The following GLIS3 variants were observed in gnomAD, a reference collection of about 807,000 sequenced individuals.
GLIS3 encodes the protein GLIS family zinc finger 3.
In GLIS3, 53 loss-of-function variants were observed where a neutral mutation model predicts 78.6. The observed-to-expected ratio is 0.67, with a 90% CI of 0.54 to 0.85. GLIS3 has a LOEUF of 0.85. Ranked by LOEUF, GLIS3 falls within the 40% of genes least tolerant of loss-of-function variation. GLIS3 has a pLI of 0.00. For synonymous variants in GLIS3, 684 were observed against 509.9 expected (o/e 1.34, Z -4.60); for missense variants, 1,703 against 1,231.1 (o/e 1.38, Z -5.74).
intron 4 of GLIS3, among the ~76,000 whole-genome samples, chr9:4,092,190 T>C (rs1829574100): frequency 6.6e-6 from 1 of 151,366 alleles, no homozygotes; most frequent in African/African-American, 2.4e-5. Context: ...CTCGCTCTGT[T>C]GCTCAGACTG....
intron 4 of GLIS3, among the ~76,000 whole-genome samples, chr9:3,963,926 C>T (rs1269651803): frequency 2.0e-5 from 3 of 152,092 alleles, no homozygotes; most frequent in African/African-American, 7.2e-5. Flanking sequence ...GTGAACCAGA[C>T]ACTATATTCC....
At chr9:4,200,414 T>G (rs759425268) in intron 2 of GLIS3, among the ~76,000 whole-genome samples, 7 of 151,988 alleles carry the variant, frequency 4.6e-5, no homozygotes, top group Non-Finnish European at 7.4e-5. Flanking sequence ...CTAGCTAGAT[T>G]ATTCAAAGAA....
At chr9:4,230,902 G>C (rs1292869752) in intron 2 of GLIS3, among the ~76,000 whole-genome samples, 1 of 151,968 alleles carries the variant, frequency 6.6e-6, no homozygotes, top group African/African-American at 2.4e-5. Flanking sequence ...GTCATACAAA[G>C]ACTTTAAAAT....
intron 9 of GLIS3, among the ~76,000 whole-genome samples, chr9:3,843,067 A>C (rs1473052257): frequency 1.3e-5 from 2 of 152,182 alleles, no homozygotes; most frequent in Admixed American, 1.3e-4. Context: ...GTTCTTGGTC[A>C]AGGTGAAATC....
chr9:4,113,395 C>G (rs1213899071), intron 4 of GLIS3, among the ~76,000 whole-genome samples: 5 of 152,276 alleles, frequency 3.3e-5, no homozygotes, highest in Middle Eastern at 6.8e-3. Context: ...TTCAACCTTA[C>G]TAGGTATTAC....
the GLIS3 span, among the ~76,000 whole-genome samples, chr9:4,393,556 T>C: frequency 1.3e-5 from 2 of 152,216 alleles, no homozygotes; most frequent in African/African-American, 2.4e-5. Context: ...TGTCATGTTT[T>C]GTTAGTCCCC....
At chr9:4,134,546 T>C (rs1833250615) in intron 2 of GLIS3, among the ~76,000 whole-genome samples, 1 of 152,160 alleles carries the variant, frequency 6.6e-6, no homozygotes, top group Non-Finnish European at 1.5e-5. Flanking sequence ...ACACCCTACA[T>C]GGTTGCTTCG....
chr9:4,152,172 A>C (rs1429909175), intron 2 of GLIS3: 17 of 961,564 alleles, frequency 1.8e-5, no homozygotes, highest in Non-Finnish European at 2.1e-5. Context: ...ACACCCTTCA[A>C]CCATAAAGGA....
chr9:4,265,918 T>TTGTC (rs1420308144), intron 2 of GLIS3, among the ~76,000 whole-genome samples: 1 of 106,384 alleles, frequency 9.4e-6, no homozygotes, highest in Non-Finnish European at 1.9e-5. Context: ...GTTTGTCTGT[T>TTGTC]TGTTTGTTTG....
chr9:4,309,350 A>T (rs186716944), intron 3 of GLIS3, among the ~76,000 whole-genome samples: 1 of 152,220 alleles, frequency 6.6e-6, no homozygotes, highest in Non-Finnish European at 1.5e-5. Context: ...ATACTTTTTT[A>T]AAAAACAAGT....
At chr9:4,416,432 A>T in the GLIS3 span, among the ~76,000 whole-genome samples, 1 of 152,124 alleles carries the variant, frequency 6.6e-6, no homozygotes, top group Non-Finnish European at 1.5e-5. Context: ...GTACACTGTA[A>T]TATAAAACGT....
intron 2 of GLIS3, among the ~76,000 whole-genome samples, chr9:4,260,603 G>A (rs1001062886): frequency 2.0e-5 from 3 of 151,074 alleles, no homozygotes; most frequent in African/African-American, 7.3e-5. Context: ...AAAATTAGCT[G>A]GCCATGGTGG....
At chr9:4,371,156 A>G in the GLIS3 span, among the ~76,000 whole-genome samples, 4 of 152,228 alleles carry the variant, frequency 2.6e-5, no homozygotes, top group African/African-American at 9.6e-5. Context: ...CCATTTGGTC[A>G]GGCCTGGTTA....
chr9:3,987,449 C>A (rs1819833586), intron 4 of GLIS3, among the ~76,000 whole-genome samples: 1 of 151,972 alleles, frequency 6.6e-6, no homozygotes, highest in African/African-American at 2.4e-5. Context: ...CGCCTTTAAT[C>A]CTAGCACTTT....
intron 1 of GLIS3, among the ~76,000 whole-genome samples, chr9:4,293,838 A>C (rs1816240459): frequency 6.6e-6 from 1 of 152,218 alleles, no homozygotes; most frequent in African/African-American, 2.4e-5. Flanking sequence ...TCCTGAAGGA[A>C]TGTGCAGTCA....
chr9:3,839,535 T>C (rs937284310), intron 9 of GLIS3, among the ~76,000 whole-genome samples: 17 of 151,830 alleles, frequency 1.1e-4, no homozygotes, highest in African/African-American at 3.9e-4. Context: ...AAAATCTTCA[T>C]CATTAAAACA....
At chr9:3,967,449 G>C (rs1818039844) in intron 4 of GLIS3, among the ~76,000 whole-genome samples, 1 of 152,060 alleles carries the variant, frequency 6.6e-6, no homozygotes, top group Non-Finnish European at 1.5e-5. Flanking sequence ...GTTGTAGTGA[G>C]CCAAGATCGG....
chr9:4,169,121 T>C (rs535106077), intron 2 of GLIS3, among the ~76,000 whole-genome samples: 27 of 152,316 alleles, frequency 1.8e-4, no homozygotes, highest in African/African-American at 6.0e-4. Context: ...CCTAGTTAAT[T>C]GTTGGTCAAG....
the GLIS3 span, among the ~76,000 whole-genome samples, chr9:4,416,252 T>TTTTAAAAAAAAAAAAA: frequency 1.3e-5 from 1 of 75,804 alleles, no homozygotes; most frequent in African/African-American, 5.3e-5. Flanking sequence ...ACACTGTTTT[T>TTTTAAAAAAAAAAAAA]AAAAAAAAAA....
Sources: gnomAD v4.1 joint callset for allele counts (sites outside exome capture counted in the v4.1 genomes callset) on GRCh38, gnomAD v4.1.1 for gene constraint, MANE v1.5 for transcripts, NCBI Gene and HGNC (gene_info 2026-07-23, HGNC 2026-07-21) for gene names.